ADCY9: variants seen among roughly 807,000 people sequenced by gnomAD.
ADCY9 encodes adenylate cyclase 9.
In ADCY9, 50 loss-of-function variants were observed where a neutral mutation model predicts 101.5. The ratio of observed to expected loss-of-function variants is 0.49; its 90% CI spans 0.39 to 0.62. The LOEUF (loss-of-function observed/expected upper bound fraction) is 0.62. ADCY9 is among the 20% of genes least tolerant of loss of function. The probability of loss-of-function intolerance (pLI) is 0.00; values close to 1 mark genes in which losing one functional copy is unlikely to be tolerated. For missense variants in ADCY9, 1,662 were observed against 1,800.4 expected, an observed-to-expected ratio of 0.92 and a Z score of 1.39; for synonymous variants, 905 against 769.3, an observed-to-expected ratio of 1.18 and a Z score of -2.92.
chr16:3,983,585 C>T (rs1712408511), intron 6 of ADCY9, 145 bp from the exon 7 acceptor site: 2 of 673,706 alleles, frequency 3.0e-6, no homozygotes, highest in Non-Finnish European at 5.1e-6. Flanking sequence ...GGGCTGTCTC[C>T]CTCTACTACC....
intron 4 of ADCY9, among the ~76,000 whole-genome samples, chr16:3,993,049 C>T (rs951171133): frequency 2.0e-4 from 30 of 152,122 alleles, no homozygotes; most frequent in African/African-American, 6.8e-4. Flanking sequence ...CAGCCTTTCT[C>T]GCCGTGAAGA....
At position 3,992,418 on chromosome 16, in the gene ADCY9, G is replaced by A; in HGVS notation, c.1990-55C>T. The A allele has an allele frequency of 1.3e-6, 2 of 1,516,892 alleles. No homozygotes were observed. Among genetic ancestry groups the A allele is most frequent in the Admixed American group, 1.7e-5 (1 of 57,526 alleles). 94.0% of individuals were successfully genotyped at this position (1,516,892 alleles called of 1,614,324 possible). A position where few individuals can be genotyped will look rare whatever the true frequency, so the allele number is the denominator to read the frequency against. ...GGGAAGTGAAGTGGCACCGGGCACT[G>A]GGCACACACGCCTGTCCCACCCCGA... On this transcript the variant is annotated intron_variant, in intron 4 of 10. Coordinates refer to ENST00000294016, the MANE Select transcript of ADCY9 (RefSeq NM_001116.4). The surrounding 1 kb of genome is among the most constrained non-coding windows in gnomAD (Gnocchi z 4.2).
chr16:3,986,205 G>A (rs2056191706), intron 6 of ADCY9, among the ~76,000 whole-genome samples: 1 of 152,228 alleles, frequency 6.6e-6, no homozygotes, highest in Non-Finnish European at 1.5e-5. Flanking sequence ...GGATAAACCA[G>A]TACTTGCACC....
Position 3,965,359 on chromosome 16 carries a change from T to G in ADCY9, c.*416A>C. 2 of 210,856 alleles carry G rather than the reference T, an allele frequency of 9.5e-6. No homozygotes were observed. The highest frequency in any genetic ancestry group is 1.2e-4 in the East Asian group (1 of 8,356). 13.1% of individuals were successfully genotyped at this position (210,856 alleles called of 1,614,324 possible). A position where few individuals can be genotyped will look rare whatever the true frequency, so the allele number is the denominator to read the frequency against. The stretch of plus-strand genomic sequence containing the variant: ...AAACAAAATAAACTCAAAAACAGGG[T>G]ATTAGCCAGAGAACCGAAAATAGTG... On this transcript the variant is annotated 3_prime_UTR_variant, in exon 11 of 11. Transcript: ENST00000294016.
At chr16:3,983,651 G>T (rs888007577) in intron 6 of ADCY9, 6 of 565,254 alleles carry the variant, frequency 1.1e-5, no homozygotes, top group African/African-American at 1.9e-5. Flanking sequence ...CCAGGGGGCT[G>T]GGCACGGTGG....
intron 10 of ADCY9, among the ~76,000 whole-genome samples, chr16:3,967,552 G>C (rs2056010398): frequency 6.6e-6 from 1 of 151,568 alleles, no homozygotes; most frequent in South Asian, 2.1e-4. Context: ...ACCACACCTA[G>C]CTAATTAAAA....
At chr16:4,081,758 C>T (rs1249646029) in intron 2 of ADCY9, among the ~76,000 whole-genome samples, 4 of 58,160 alleles carry the variant, frequency 6.9e-5, no homozygotes, top group African/African-American at 1.3e-4. Flanking sequence ...GAGGGTGTAA[C>T]GGTGGGTGGG....
intron 2 of ADCY9, among the ~76,000 whole-genome samples, chr16:4,037,221 G>A (rs1251306883): frequency 6.6e-6 from 1 of 152,140 alleles, no homozygotes; most frequent in Non-Finnish European, 1.5e-5. Context: ...GTGTGGCTGA[G>A]GTGGGAGGAT....
intron 2 of ADCY9, among the ~76,000 whole-genome samples, chr16:4,038,260 G>A (rs544885150): frequency 2.0e-5 from 3 of 148,680 alleles, no homozygotes; most frequent in Admixed American, 6.7e-5. Context: ...CAGCTTGGGC[G>A]ACAGAGTACG....
At position 4,114,524 on chromosome 16, in the gene ADCY9, T is replaced by C; in HGVS notation, c.919A>G (p.Arg307Gly). Residue 307 changes from arginine (R) to glycine (G), a missense_variant, in exon 2 of 11, where the codon AGG becomes GGG. Arg to Gly is a moderately radical substitution (Grantham distance 125). Coordinates refer to ENST00000294016, the MANE Select transcript of ADCY9 (RefSeq NM_001116.4). The surrounding 1 kb of genome is among the most constrained non-coding windows in gnomAD (Gnocchi z 4.3). The part of the protein sequence containing the change: ...HLFVMSQVRS[R>G]STFLKVGQSI... ...TGCCCCACCTTGAGGAAGGTGCTCC[T>C]GGACCTCACCTGGGACATGACGAAC... The C allele has an allele frequency of 1.2e-6, 2 of 1,614,214 alleles. No homozygotes were observed. The highest frequency in any genetic ancestry group is 8.5e-7 in the Non-Finnish European group (1 of 1,180,032).
intron 2 of ADCY9, among the ~76,000 whole-genome samples, chr16:4,077,885 C>A (rs1379837320): frequency 7.1e-6 from 1 of 140,680 alleles, no homozygotes; most frequent in African/African-American, 2.5e-5. Flanking sequence ...CACCTGTAAT[C>A]CTAGTACTTG....
At chr16:4,087,797 T>C (rs2056948811) in intron 2 of ADCY9, among the ~76,000 whole-genome samples, 1 of 151,604 alleles carries the variant, frequency 6.6e-6, no homozygotes, top group Non-Finnish European at 1.5e-5. Context: ...AGCAATCCTG[T>C]TACTATTTAT....
chr16:3,979,359 C>G (rs565782362), intron 7 of ADCY9, 84 bp from the exon 8 acceptor site: 2 of 1,496,560 alleles, frequency 1.3e-6, no homozygotes, highest in Non-Finnish European at 1.8e-6. Flanking sequence ...CCGCAGCCAG[C>G]GCCGCCCTCT....
At chr16:4,058,387 C>A (rs953013458) in intron 2 of ADCY9, among the ~76,000 whole-genome samples, 37 of 151,386 alleles carry the variant, frequency 2.4e-4, no homozygotes, top group Non-Finnish European at 4.1e-4. Context: ...ATCACTTGAA[C>A]CTGGGAGGCA....
intron 3 of ADCY9, among the ~76,000 whole-genome samples, 199 bp downstream of exon 3, chr16:4,007,169 G>A (rs530516741): frequency 2.6e-5 from 4 of 152,200 alleles, no homozygotes; most frequent in South Asian, 2.1e-4. Flanking sequence ...ATGGAGGTGC[G>A]TCATATGTCA....
intron 2 of ADCY9, among the ~76,000 whole-genome samples, chr16:4,049,701 C>A (rs919641479): frequency 6.6e-6 from 1 of 152,202 alleles, no homozygotes; most frequent in Non-Finnish European, 1.5e-5. Context: ...CCTTTACCAA[C>A]AACCAGCTGA....
intron 2 of ADCY9, among the ~76,000 whole-genome samples, chr16:4,033,628 G>A (rs2056570951): frequency 6.6e-6 from 1 of 151,990 alleles, no homozygotes; most frequent in Admixed American, 6.6e-5. Flanking sequence ...TGGTGGCCAG[G>A]ATGGTCTCAA....
chr16:4,067,403 C>A (rs1040968866), intron 2 of ADCY9, among the ~76,000 whole-genome samples: 4 of 152,144 alleles, frequency 2.6e-5, no homozygotes, highest in African/African-American at 9.7e-5. Context: ...AAGTTCCTTC[C>A]CTTCCCCAGG....
chr16:4,107,647 C>T (rs2057086260), intron 2 of ADCY9, among the ~76,000 whole-genome samples: 1 of 151,398 alleles, frequency 6.6e-6, no homozygotes, highest in South Asian at 2.1e-4. Context: ...GTTAGCATCC[C>T]AGTGGCAAGG....
Sources: allele counts gnomAD v4.1 joint callset (sites outside exome capture counted in the v4.1 genomes callset), GRCh38; gene constraint gnomAD v4.1.1; non-coding constraint Gnocchi (gnomAD v3.1); transcripts MANE v1.5; gene names NCBI Gene and HGNC (gene_info 2026-07-23, HGNC 2026-07-21).